The following SDK1 variants were observed in gnomAD, a reference collection of about 807,000 sequenced individuals.
SDK1 encodes the protein protein sidekick-1.
SDK1 carries 157 observed loss-of-function variants against 245.5 expected under a neutral mutation model. That is an observed-to-expected ratio of 0.64 (90% CI 0.56 to 0.73). SDK1 has a LOEUF of 0.73. SDK1 is among the 30% of genes least tolerant of loss of function. SDK1 has a pLI of 0.00. For synonymous variants in SDK1, 1,647 were observed against 1,278.5 expected, an observed-to-expected ratio of 1.29 and a Z score of -6.15; for missense variants, 3,583 against 3,002.3, an observed-to-expected ratio of 1.19 and a Z score of -4.52.
intron 7 of SDK1, among the ~76,000 whole-genome samples, chr7:3,958,473 A>G (rs570256563): frequency 6.6e-6 from 1 of 152,312 alleles, no homozygotes; most frequent in East Asian, 1.9e-4. Flanking sequence ...TTAAATCTCT[A>G]TTTTGGAGAA....
At chr7:3,781,737 A>C (rs1780750984) in intron 4 of SDK1, among the ~76,000 whole-genome samples, 2 of 152,186 alleles carry the variant, frequency 1.3e-5, no homozygotes, top group South Asian at 2.1e-4. Flanking sequence ...AATAAAAAAA[A>C]ACAAATCTTA....
intron 1 of SDK1, among the ~76,000 whole-genome samples, chr7:3,383,280 A>T (rs185698886): frequency 3.3e-5 from 5 of 152,208 alleles, no homozygotes; most frequent in African/African-American, 4.8e-5. Flanking sequence ...GTGTGGTGGC[A>T]TGTGCCTGTG....
intron 44 of SDK1, among the ~76,000 whole-genome samples, chr7:4,256,041 T>C (rs1450956868): frequency 6.8e-6 from 1 of 147,710 alleles, no homozygotes; most frequent in Admixed American, 6.9e-5. Flanking sequence ...CACCTCAGCC[T>C]CCCAAGTAGC....
chr7:3,460,238 A>C (rs1006676678), intron 1 of SDK1, among the ~76,000 whole-genome samples: 3 of 152,176 alleles, frequency 2.0e-5, no homozygotes, highest in South Asian at 2.1e-4. Flanking sequence ...GTGGGTCACA[A>C]CCTGCTTGCC....
At chr7:3,558,373 G>A (rs1171301219) in intron 1 of SDK1, among the ~76,000 whole-genome samples, 2 of 152,244 alleles carry the variant, frequency 1.3e-5, no homozygotes, top group Non-Finnish European at 2.9e-5. Context: ...ACTGCCTGCA[G>A]TGGAATCATT....
intron 17 of SDK1, among the ~76,000 whole-genome samples, chr7:4,018,895 C>CA (rs552500840): frequency 2.7e-4 from 41 of 151,590 alleles, no homozygotes; most frequent in Admixed American, 6.6e-4. Flanking sequence ...ACTCTAGAGA[C>CA]AAAAAAAATG....
chr7:4,080,757 A>T (rs1781004340), intron 22 of SDK1, among the ~76,000 whole-genome samples: 1 of 152,176 alleles, frequency 6.6e-6, no homozygotes, highest in African/African-American at 2.4e-5. Flanking sequence ...ACCTAATGCT[A>T]AAAGACGAGT....
intron 35 of SDK1, among the ~76,000 whole-genome samples, chr7:4,193,718 A>G (rs767773137): frequency 6.6e-6 from 1 of 152,124 alleles, no homozygotes. Flanking sequence ...CTCTTCCTCT[A>G]CAGGAGTGAA....
At position 4,132,437 on chromosome 7, in the gene SDK1, G is replaced by A. The variant is rs1005317738; in HGVS notation, c.4228+14G>A. 29 of 1,586,232 alleles carry A rather than the reference G, an allele frequency of 1.8e-5. 1 individual carries two copies. The Admixed American group carries it at 1.9e-4, about 10-fold the overall frequency. On this transcript the variant is annotated intron_variant, in intron 28 of 44. Coordinates refer to ENST00000404826, the MANE Select transcript of SDK1 (RefSeq NM_152744.4). ...GCATCATCCTGGGTAAGGGAGCGGC[G>A]GTGGCCGGGCGTGGTGGCTCAGGCC...
intron 4 of SDK1, among the ~76,000 whole-genome samples, chr7:3,649,189 A>G (rs541863556): frequency 5.3e-5 from 8 of 152,274 alleles, no homozygotes; most frequent in Non-Finnish European, 1.0e-4. Context: ...CGCTGAGAAG[A>G]CATGGATGGG....
At chr7:3,767,734 C>G (rs552852753) in intron 4 of SDK1, among the ~76,000 whole-genome samples, 9 of 152,080 alleles carry the variant, frequency 5.9e-5, no homozygotes, top group Admixed American at 2.0e-4. Flanking sequence ...GTCTGAATCC[C>G]AAGTCTGTGT....
intron 1 of SDK1, among the ~76,000 whole-genome samples, chr7:3,457,145 G>C (rs1439472788): frequency 3.9e-5 from 6 of 152,112 alleles, no homozygotes; most frequent in African/African-American, 1.4e-4. Context: ...TTACTTGGGT[G>C]TCGTTACTGG....
chr7:4,265,581 C>T lies in SDK1; in HGVS notation c.*197C>T, dbSNP rs1389986856. The T allele has an allele frequency of 7.4e-7, 1 of 1,343,430 alleles. No homozygotes were observed. The highest frequency in any genetic ancestry group is 9.5e-7 in the Non-Finnish European group (1 of 1,056,774). 83.2% of individuals were successfully genotyped at this position (1,343,430 alleles called of 1,614,324 possible). A position where few individuals can be genotyped will look rare whatever the true frequency, so the allele number is the denominator to read the frequency against. On this transcript the variant is annotated 3_prime_UTR_variant, in exon 45 of 45. Coordinates refer to ENST00000404826, the MANE Select transcript of SDK1 (RefSeq NM_152744.4). ...TTTTAAACGGCTTTTTGTAACTTCG[C>T]TGCAGGAAGCAGGTTTGTTTCTTTT...
At chr7:3,900,969 C>A (rs1303507687) in intron 5 of SDK1, among the ~76,000 whole-genome samples, 2 of 152,008 alleles carry the variant, frequency 1.3e-5, no homozygotes, top group African/African-American at 2.4e-5. Context: ...ACCTTTATGG[C>A]TTTTCTTTTT....
chr7:3,822,509 C>A (rs543318087), intron 5 of SDK1, among the ~76,000 whole-genome samples: 1 of 152,100 alleles, frequency 6.6e-6, no homozygotes, highest in Non-Finnish European at 1.5e-5. Flanking sequence ...GTAGCTCACA[C>A]CTGTGATCCC....
intron 1 of SDK1, among the ~76,000 whole-genome samples, chr7:3,335,975 C>T (rs1350300559): frequency 1.3e-5 from 2 of 152,098 alleles, no homozygotes; most frequent in Non-Finnish European, 2.9e-5. Context: ...TGAGAAATGA[C>T]AAGGGTGTCA....
chr7:3,974,281 TA>T (rs1782721736), intron 12 of SDK1, 87 bp from the exon 13 acceptor site: 3 of 1,075,666 alleles, frequency 2.8e-6, no homozygotes, highest in Admixed American at 4.4e-5. Flanking sequence ...ACAAGATTGT[TA>T]GTTGCTTGCT....
chr7:3,509,257 C>G (rs765866066), intron 1 of SDK1, among the ~76,000 whole-genome samples: 2 of 152,048 alleles, frequency 1.3e-5, no homozygotes, highest in Non-Finnish European at 2.9e-5. Context: ...GGGGAGGGGT[C>G]CTCTGGTTTT....
chr7:4,170,172 G>C (rs968511668), intron 32 of SDK1, among the ~76,000 whole-genome samples: 1 of 152,310 alleles, frequency 6.6e-6, no homozygotes. Flanking sequence ...TTCAGTCTCA[G>C]CTGTGGCCCA....
Sources: allele counts gnomAD v4.1 joint callset (sites outside exome capture counted in the v4.1 genomes callset), GRCh38; gene constraint gnomAD v4.1.1; transcripts MANE v1.5; gene names NCBI Gene and HGNC (gene_info 2026-07-23, HGNC 2026-07-21).